The following SCN11A variants were observed in gnomAD, a reference collection of about 807,000 sequenced individuals.
SCN11A encodes the protein sodium voltage-gated channel alpha subunit 11.
SCN11A carries 122 observed loss-of-function variants against 162.2 expected under a neutral mutation model. The ratio of observed to expected loss-of-function variants is 0.75; its 90% CI spans 0.65 to 0.87. The LOEUF (loss-of-function observed/expected upper bound fraction) is 0.87, where lower values mean the gene tolerates loss of function less well. Among genes scored for constraint, SCN11A ranks in the 40% least tolerant of loss-of-function variants. The pLI is 0.00. For missense variants in SCN11A, 2,015 were observed against 2,181.6 expected (o/e 0.92, Z 1.52); for synonymous variants, 758 against 751.5 (o/e 1.01, Z -0.14).
intron 15 of SCN11A, 96 bp from the exon 16 acceptor site, chr3:38,904,199 C>G (rs762147797): frequency 2.7e-5 from 19 of 701,548 alleles, no homozygotes; most frequent in Non-Finnish European, 3.8e-5. Flanking sequence ...TCCCCAGGGC[C>G]TCCTGATACA....
rs529642108 is a variant in SCN11A, at chr3:38,986,254, T to C, written c.-279-25831A>G. ...CATCCACACTGCTGCCAGAAGGAAG[T>C]GCCGACAGAGCCAGCAGATGCGTCA... On this transcript the variant is annotated intron_variant, in intron 2 of 29. Transcript: ENST00000302328. Among the ~76,000 whole-genome samples, 48 of 150,800 alleles carry C rather than the reference T, an allele frequency of 3.2e-4. 6 individuals carry two copies. The highest frequency in any genetic ancestry group is 1.1e-3 in the African/African-American group (46 of 40,230).
chr3:38,885,332 G>T lies in SCN11A; in HGVS notation c.3020C>A (p.Pro1007His). The T allele has an allele frequency of 1.2e-6, 2 of 1,613,640 alleles. No homozygotes were observed. Among genetic ancestry groups the T allele is most frequent in the East Asian group, 2.2e-5 (1 of 44,874 alleles). ...IDLQDGFGWL[P>H]EMVPKKQPER... is the part of the protein sequence containing the mutation. ...TGGTTGCTTTTTGGGAACCATCTCA[G>T]GTAACCATCCAAAGCCATCCTGAAG... Residue 1007 changes from proline (P) to histidine (H), a missense_variant, in exon 21 of 30, where the codon CCT becomes CAT. Physicochemically the swap from Pro to His is moderately conservative, Grantham distance 77. Transcript: ENST00000302328.
At chr3:38,927,087 T>G (rs527928452) in intron 7 of SCN11A, among the ~76,000 whole-genome samples, 156 bp from the exon 8 acceptor site, 1 of 152,344 alleles carries the variant, frequency 6.6e-6, no homozygotes, top group Non-Finnish European at 1.5e-5. Flanking sequence ...ATGCAAGCTT[T>G]TTAAGCAAGT....
At chr3:38,999,458 T>TGGAGA (rs2030743125) in intron 2 of SCN11A, among the ~76,000 whole-genome samples, 2 of 152,242 alleles carry the variant, frequency 1.3e-5, no homozygotes, top group Non-Finnish European at 2.9e-5. Flanking sequence ...GGACCTCTCC[T>TGGAGA]AACCCTTTGA....
At chr3:38,894,461 G>T in intron 19 of SCN11A, 72 bp downstream of exon 19, 1 of 1,261,714 alleles carries the variant, frequency 7.9e-7, no homozygotes. Flanking sequence ...GCCTAGAAAA[G>T]GGCAGGCTAC....
intron 19 of SCN11A, among the ~76,000 whole-genome samples, chr3:38,886,726 T>C (rs1315259351): frequency 1.3e-5 from 2 of 149,594 alleles, no homozygotes; most frequent in Non-Finnish European, 2.9e-5. Flanking sequence ...CTTGCTATCA[T>C]GTGGGGTACA....
chr3:38,918,819 C>A (rs923443464), intron 11 of SCN11A, among the ~76,000 whole-genome samples: 3 of 152,314 alleles, frequency 2.0e-5, no homozygotes, highest in African/African-American at 7.2e-5. Flanking sequence ...CCTCTCAGCA[C>A]CTGCACATCA....
At chr3:38,993,002 AGCAATG>A (rs2030500559) in intron 2 of SCN11A, among the ~76,000 whole-genome samples, 1 of 152,210 alleles carries the variant, frequency 6.6e-6, no homozygotes. Context: ...GATTCTCAGG[AGCAATG>A]GCCAATGCTG....
intron 2 of SCN11A, among the ~76,000 whole-genome samples, chr3:39,025,078 TG>T (rs1315973025): frequency 6.6e-6 from 1 of 152,146 alleles, no homozygotes; most frequent in African/African-American, 2.4e-5. Context: ...GGAGGAAGTT[TG>T]GAGTAACAGC....
intron 11 of SCN11A, among the ~76,000 whole-genome samples, chr3:38,918,553 A>T (rs1382933844): frequency 6.6e-6 from 1 of 152,196 alleles, no homozygotes; most frequent in Non-Finnish European, 1.5e-5. Flanking sequence ...CTTCCTGCCC[A>T]CGAAAAAATT....
chr3:38,938,294 T>C (rs145127144), intron 7 of SCN11A, among the ~76,000 whole-genome samples: 8,486 of 151,432 alleles, frequency 0.056, 266 homozygotes, highest in Middle Eastern at 0.088. Context: ...GACGAGTTAA[T>C]GGGTGCAGCA....
intron 2 of SCN11A, among the ~76,000 whole-genome samples, chr3:39,022,879 A>G (rs2031486918): frequency 7.2e-6 from 1 of 139,260 alleles, no homozygotes; most frequent in African/African-American, 2.8e-5. Context: ...ACCCTGTCTC[A>G]AAAAAAAAAT....
At chr3:39,032,950 G>A (rs1472462337) in intron 1 of SCN11A, among the ~76,000 whole-genome samples, 2 of 152,078 alleles carry the variant, frequency 1.3e-5, no homozygotes, top group African/African-American at 4.8e-5. Context: ...TCAGGAGTTC[G>A]AGACCAGCCT....
At chr3:38,859,066 A>T (rs930911551) in intron 28 of SCN11A, among the ~76,000 whole-genome samples, 5 of 152,178 alleles carry the variant, frequency 3.3e-5, no homozygotes, top group African/African-American at 1.2e-4. Flanking sequence ...GTACATCATA[A>T]TGTCTGAAAG....
At chr3:38,858,607 G>T (rs770423702) in intron 28 of SCN11A, among the ~76,000 whole-genome samples, 23 of 152,194 alleles carry the variant, frequency 1.5e-4, no homozygotes, top group Non-Finnish European at 1.3e-4. Flanking sequence ...GGGTAATCAA[G>T]ACAGAAATTA....
At chr3:38,951,732 A>G (rs2066621212) in intron 4 of SCN11A, among the ~76,000 whole-genome samples, 1 of 152,188 alleles carries the variant, frequency 6.6e-6, no homozygotes, top group Non-Finnish European at 1.5e-5. Context: ...CTCTGTATCT[A>G]GCTGCTCTGG....
chr3:38,917,503 T>C (rs935186027), intron 11 of SCN11A, among the ~76,000 whole-genome samples: 2 of 152,200 alleles, frequency 1.3e-5, no homozygotes, highest in Non-Finnish European at 2.9e-5. Flanking sequence ...ATGAGTTCTA[T>C]TACTTTGCAA....
rs1553639297 is a variant in SCN11A, at chr3:38,908,053, T to A, written c.1369A>T (p.Lys457Ter). ...SLETSYFTPK[K>*]RKLFGNKKRK... is the part of the protein sequence containing the mutation. ...TTCTTATTACCAAAGAGCTTTCTCT[T>A]TTTTGGGGTAAAATATGATGTTTCA... Residue 457 changes from lysine (K) to a stop codon, truncating the protein, a stop_gained, in exon 14 of 30, where the codon AAG becomes TAG. Transcript: ENST00000302328. LOFTEE classifies it high-confidence loss of function. 5 of 1,613,782 alleles carry A rather than the reference T, an allele frequency of 3.1e-6. No individual in the cohort carries two copies. The highest frequency in any genetic ancestry group is 4.2e-6 in the Non-Finnish European group (5 of 1,179,920).
chr3:38,950,084 C>CCCCCCCCT lies in SCN11A; in HGVS notation c.267+11_267+12insAGGGGGGG. ...CCCCACCCCCACCCCCCCCCCCCGCCCAATGAAGTACCTTATGATTTCGGT... is the reference window on the plus strand; with the variant it reads ...CCCCACCCCCACCCCCCCCCCCCGCCCCCCCCCTCAATGAAGTACCTTATGATTTCGGT... On this transcript the variant is annotated intron_variant, in intron 5 of 29. Coordinates refer to ENST00000302328, the MANE Select transcript of SCN11A (RefSeq NM_001349253.2). 3.1e-6 allele frequency: 1 copy of CCCCCCCCT among 323,830 alleles called. No individual in the cohort carries two copies. The allele number at this position is 323,830 out of a possible 1,614,324, so 20.1% of individuals were successfully genotyped here.
Sources: gnomAD v4.1 joint callset for allele counts (sites outside exome capture counted in the v4.1 genomes callset) on GRCh38, gnomAD v4.1.1 for gene constraint, MANE v1.5 for transcripts, NCBI Gene and HGNC (gene_info 2026-07-23, HGNC 2026-07-21) for gene names.